PRMT2: variants seen among roughly 807,000 people sequenced by gnomAD.
PRMT2 encodes the protein protein arginine methyltransferase 2, also known as protein arginine N-methyltransferase 2.
PRMT2 carries 26 observed loss-of-function variants against 57.6 expected under a neutral mutation model. That is an observed-to-expected ratio of 0.45 (90% confidence interval 0.33 to 0.63). The LOEUF (loss-of-function observed/expected upper bound fraction) is 0.63, where lower values mean the gene tolerates loss of function less well. Among genes scored for constraint, PRMT2 ranks in the 20% least tolerant of loss-of-function variants. The probability of loss-of-function intolerance (pLI) is 0.02; values close to 1 mark genes in which losing one functional copy is unlikely to be tolerated. For missense variants in PRMT2, 472 were observed against 564.4 expected, an observed-to-expected ratio of 0.84 and a Z score of 1.66; for synonymous variants, 219 against 220.0, an observed-to-expected ratio of 1.00 and a Z score of 0.04.
chr21:46,660,801 C>CGA (rs780944107), intron 8 of PRMT2, 32 bp from the exon 9 acceptor site: 120 of 1,611,434 alleles, frequency 7.4e-5, no homozygotes, highest in Admixed American at 3.0e-4. Context: ...TTTGCAATGA[C>CGA]TCTCAACAGT....
At chr21:46,645,253 C>T (rs554127280) in intron 5 of PRMT2, among the ~76,000 whole-genome samples, 1 of 151,582 alleles carries the variant, frequency 6.6e-6, no homozygotes. Flanking sequence ...GGCTACAGAG[C>T]GAGAGCCTGT....
Position 46,649,989 on chromosome 21 carries a change from A to G in PRMT2, c.654+250A>G. Reference sequence around the variant, plus strand: ...ACATTTTCATGAGTGATTTACATGAACTGTGTTCTCCTCGGGGATCTGTAA... The same window carrying G: ...ACATTTTCATGAGTGATTTACATGAGCTGTGTTCTCCTCGGGGATCTGTAA... On this transcript the variant is annotated intron_variant, in intron 7 of 11. Coordinates refer to ENST00000355680, the MANE Select transcript of PRMT2 (RefSeq NM_206962.4). The surrounding 1 kb of genome is among the most constrained non-coding windows in gnomAD (Gnocchi z 4.8). 7.0e-7 allele frequency: 1 copy of G among 1,424,820 alleles called. No homozygotes were observed. The highest frequency in any genetic ancestry group is 9.2e-7 in the Non-Finnish European group (1 of 1,086,762). 88.3% of individuals were successfully genotyped at this position (1,424,820 alleles called of 1,614,324 possible).
intron 3 of PRMT2, among the ~76,000 whole-genome samples, chr21:46,642,813 A>G (rs186231986): frequency 3.0e-4 from 45 of 152,264 alleles, no homozygotes; most frequent in East Asian, 7.7e-4. Context: ...GCCTGAGCTG[A>G]GGATTTCGAG....
chr21:46,640,440 T>C (rs1402512098), intron 3 of PRMT2, among the ~76,000 whole-genome samples: 4 of 64,550 alleles, frequency 6.2e-5, no homozygotes, highest in African/African-American at 3.3e-4. Flanking sequence ...TTGCCTACAT[T>C]TTTTTTTTTT....
At chr21:46,654,559 G>T (rs544382782) in intron 7 of PRMT2, among the ~76,000 whole-genome samples, 120 of 152,264 alleles carry the variant, frequency 7.9e-4, no homozygotes, top group African/African-American at 2.8e-3. Flanking sequence ...TTGAAGTACG[G>T]TCAAGTATCT....
At chr21:46,641,540 A>T (rs1273390701) in intron 3 of PRMT2, among the ~76,000 whole-genome samples, 1 of 152,034 alleles carries the variant, frequency 6.6e-6, no homozygotes, top group Non-Finnish European at 1.5e-5. Flanking sequence ...AAAAATGCAA[A>T]AATTAGCCGG....
chr21:46,652,986 T>C, intron 7 of PRMT2: 1 of 1,228,630 alleles, frequency 8.1e-7, no homozygotes, highest in East Asian at 6.0e-5. Flanking sequence ...CTTTGCAAGG[T>C]CACTGAGGAT....
At position 46,649,682 on chromosome 21, in the gene PRMT2, G is replaced by T. The variant is rs756203843; in HGVS notation, c.597G>T (p.Val199=). Residue 199 remains valine (V), a synonymous_variant, in exon 7 of 12, where the codon GTG becomes GTT. Transcript: ENST00000355680. This position sits in a 1 kb window ranked among gnomAD's most constrained non-coding sequence, Gnocchi z 4.8. Reference sequence around the variant, plus strand: ...TGTACCAGCAGAAGGTGGAGGATGTGGTGCTGCCCGAGAAGGTGGACGTGC... The same window carrying T: ...TGTACCAGCAGAAGGTGGAGGATGTTGTGCTGCCCGAGAAGGTGGACGTGC... ...ITVYQQKVED[V]VLPEKVDVLV... 25 of 1,613,892 alleles carry T rather than the reference G, an allele frequency of 1.5e-5. No homozygotes were observed. Among genetic ancestry groups the T allele is most frequent in the Non-Finnish European group, 2.0e-5 (24 of 1,180,032 alleles).
At chr21:46,647,794 A>T (rs965861739) in intron 5 of PRMT2, among the ~76,000 whole-genome samples, 14 of 152,210 alleles carry the variant, frequency 9.2e-5, no homozygotes, top group Non-Finnish European at 1.6e-4. Context: ...AGCCTCAGTT[A>T]CTGGACAGTT....
intron 7 of PRMT2, 142 bp from the exon 8 acceptor site, chr21:46,658,603 A>G (rs968544189): frequency 1.9e-5 from 27 of 1,424,702 alleles, no homozygotes; most frequent in Non-Finnish European, 2.5e-5. Flanking sequence ...GTTCTCTTGC[A>G]TGGTACACTG....
intron 3 of PRMT2, among the ~76,000 whole-genome samples, chr21:46,642,141 G>T (rs142020922): frequency 1.3e-3 from 203 of 152,190 alleles, no homozygotes; most frequent in Non-Finnish European, 2.3e-3. Context: ...GAGAGCACTG[G>T]GTGGTAAAAC....
chr21:46,660,181 T>C (rs2061599178), intron 8 of PRMT2: 1 of 978,524 alleles, frequency 1.0e-6, no homozygotes, highest in Non-Finnish European at 1.2e-6. Context: ...TTTTACAACA[T>C]TTCTGTGGTA....
intron 7 of PRMT2, chr21:46,653,693 G>C: frequency 8.0e-7 from 1 of 1,256,736 alleles, no homozygotes; most frequent in Non-Finnish European, 1.0e-6. Flanking sequence ...CTTTTCAGAG[G>C]TGCTAGTTCT....
intron 9 of PRMT2, 107 bp from the exon 10 acceptor site, chr21:46,661,693 C>T (rs2061624999): frequency 3.5e-6 from 4 of 1,146,594 alleles, no homozygotes; most frequent in Admixed American, 4.2e-5. Flanking sequence ...TTCTACGGTT[C>T]CTGACGCATT....
At chr21:46,653,004 G>A (rs2839376) in intron 7 of PRMT2, 105,540 of 1,192,634 alleles carry the variant, frequency 0.088, 5,253 homozygotes, top group Non-Finnish European at 0.099. Flanking sequence ...GATCTCCATT[G>A]CACATTTGGT....
chr21:46,640,977 A>G (rs2061262236), intron 3 of PRMT2, among the ~76,000 whole-genome samples: 1 of 151,980 alleles, frequency 6.6e-6, no homozygotes, highest in South Asian at 2.1e-4. Context: ...TGAGATGTGA[A>G]ATAGTATCTA....
At chr21:46,642,676 T>G (rs2061296782) in intron 3 of PRMT2, among the ~76,000 whole-genome samples, 1 of 152,232 alleles carries the variant, frequency 6.6e-6, no homozygotes, top group African/African-American at 2.4e-5. Context: ...CTGGAGTGTG[T>G]GATCTGAGGT....
At position 46,648,814 on chromosome 21, in the gene PRMT2, G is replaced by A. The variant is rs902363307; in HGVS notation, c.489+195G>A. On this transcript the variant is annotated intron_variant, in intron 6 of 11. Transcript: ENST00000355680. The surrounding 1 kb of genome is among the most constrained non-coding windows in gnomAD (Gnocchi z 4.8). ...GCGTGGAGACCGCGTGCTAGAGGCC[G>A]TGGCGCCCGCGTACAATGAGTCGCA... Among the ~76,000 whole-genome samples, 3 of 152,196 alleles carry A rather than the reference G, an allele frequency of 2.0e-5. No homozygotes were observed. Among genetic ancestry groups the A allele is most frequent in the Admixed American group, 6.5e-5 (1 of 15,284 alleles).
chr21:46,637,115 G>A, intron 3 of PRMT2, 125 bp downstream of exon 3: 3 of 897,914 alleles, frequency 3.3e-6, no homozygotes, highest in South Asian at 3.1e-5. Flanking sequence ...ACCGGCAGTA[G>A]AATGCTTAAA....
Sources: gnomAD v4.1 joint callset for allele counts (sites outside exome capture counted in the v4.1 genomes callset) on GRCh38, gnomAD v4.1.1 for gene constraint, Gnocchi (gnomAD v3.1) non-coding constraint, MANE v1.5 for transcripts, NCBI Gene and HGNC (gene_info 2026-07-23, HGNC 2026-07-21) for gene names.